The following MKKS variants were observed in gnomAD, a reference collection of about 807,000 sequenced individuals.
MKKS encodes the protein molecular chaperone MKKS.
Under a neutral mutation model 33.2 loss-of-function variants are expected in MKKS, and 29 were observed. That is an observed-to-expected ratio of 0.87 (90% CI 0.65 to 1.19). The LOEUF is 1.19. Among genes scored for constraint, MKKS ranks in the 50% most tolerant of loss-of-function variants. The pLI is 0.00. For synonymous variants in MKKS, 260 were observed against 244.0 expected, an observed-to-expected ratio of 1.07 and a Z score of -0.61; for missense variants, 661 against 662.3, an observed-to-expected ratio of 1.00 and a Z score of 0.02.
chr20:10,420,200 A>C (rs955718712), intron 2 of MKKS, among the ~76,000 whole-genome samples: 1 of 152,186 alleles, frequency 6.6e-6, no homozygotes, highest in Non-Finnish European at 1.5e-5. Context: ...CTAATAGAAG[A>C]AAATAATCTT....
intron 5 of MKKS, among the ~76,000 whole-genome samples, chr20:10,406,253 TA>T (rs953124690): frequency 2.8e-4 from 43 of 152,302 alleles, no homozygotes; most frequent in African/African-American, 9.9e-4. Flanking sequence ...TTCCACTATT[TA>T]AAAATGTTTA....
At chr20:10,424,264 GA>G (rs903650469) in intron 1 of MKKS, among the ~76,000 whole-genome samples, 6 of 149,244 alleles carry the variant, frequency 4.0e-5, no homozygotes, top group South Asian at 4.2e-4. Context: ...AAATAAAAAG[GA>G]AAAAAAAAGG....
At chr20:10,417,892 C>T (rs1283095371) in intron 2 of MKKS, among the ~76,000 whole-genome samples, 3 of 152,060 alleles carry the variant, frequency 2.0e-5, no homozygotes, top group African/African-American at 7.2e-5. Context: ...AGGAAGCAAT[C>T]AGCCAAACTG....
intron 1 of MKKS, among the ~76,000 whole-genome samples, chr20:10,422,314 A>G (rs1304148598): frequency 2.6e-5 from 4 of 152,122 alleles, no homozygotes; most frequent in African/African-American, 9.7e-5. Flanking sequence ...GTACTGTGGT[A>G]TACTATATAC....
At chr20:10,430,865 T>C (rs2065049595) in intron 1 of MKKS, among the ~76,000 whole-genome samples, 2 of 152,358 alleles carry the variant, frequency 1.3e-5, no homozygotes, top group South Asian at 4.1e-4. Flanking sequence ...AATCCTACAA[T>C]GACTGAAACT....
At chr20:10,408,467 C>T (rs1323626297) in intron 4 of MKKS, among the ~76,000 whole-genome samples, 161 bp downstream of exon 4, 1 of 152,076 alleles carries the variant, frequency 6.6e-6, no homozygotes, top group Non-Finnish European at 1.5e-5. Flanking sequence ...ATTATAATGC[C>T]ACAGGCATTT....
intron 1 of MKKS, among the ~76,000 whole-genome samples, chr20:10,424,970 T>C (rs1320024829): frequency 2.6e-5 from 4 of 151,784 alleles, no homozygotes; most frequent in Non-Finnish European, 4.4e-5. Context: ...GAAGAATCAC[T>C]TGAACCTGGG....
chr20:10,408,855 A>C (rs2064861319), intron 3 of MKKS, 52 bp from the exon 4 acceptor site: 4 of 1,401,534 alleles, frequency 2.9e-6, no homozygotes, highest in African/African-American at 1.4e-5. Context: ...AGTGGAGCAA[A>C]CAACCATTTA....
rs746635539 is a variant in MKKS at position 10,405,434 on chromosome 20, T to C, written c.1526A>G (p.Asn509Ser). The C allele has an allele frequency of 6.2e-6, 10 of 1,614,104 alleles. No homozygotes were observed. The highest frequency in any genetic ancestry group is 2.2e-5 in the East Asian group (1 of 44,904). ...ACGTGTGCTTCTTAAGAAAGACCAG[T>C]TGAGTTCTTCCTGGCTATTGTATAA... is the stretch of plus-strand genomic sequence containing the variant. The part of the protein sequence containing the change: ...CGLYNSQEEL[N>S]WSFLRSTRRP... Residue 509 changes from asparagine to serine, a missense_variant, in exon 6 of 6, where the codon AAC becomes AGC. Coordinates refer to ENST00000347364, the MANE Select transcript of MKKS (RefSeq NM_170784.3).
chr20:10,421,347 T>G (rs1171154489), intron 1 of MKKS, among the ~76,000 whole-genome samples: 1 of 151,116 alleles, frequency 6.6e-6, no homozygotes, highest in East Asian at 1.9e-4. Flanking sequence ...TTGCTTGAAC[T>G]TGGGAGGTGG....
At chr20:10,424,945 C>T (rs1410959362) in intron 1 of MKKS, among the ~76,000 whole-genome samples, 2 of 151,430 alleles carry the variant, frequency 1.3e-5, no homozygotes, top group African/African-American at 4.9e-5. Context: ...CCCAGCTACT[C>T]GGGAGGCTGA....
chr20:10,417,809 G>C (rs888080053), intron 2 of MKKS, among the ~76,000 whole-genome samples: 5 of 151,990 alleles, frequency 3.3e-5, no homozygotes, highest in Non-Finnish European at 7.4e-5. Flanking sequence ...ACAAATGAAA[G>C]TAGCCTCTTG....
chr20:10,426,851 C>A (rs903521411), intron 1 of MKKS, among the ~76,000 whole-genome samples: 1 of 152,086 alleles, frequency 6.6e-6, no homozygotes, highest in Non-Finnish European at 1.5e-5. Context: ...AAAACACATC[C>A]GTGACCTACT....
At chr20:10,428,572 C>G (rs1302294381) in intron 1 of MKKS, among the ~76,000 whole-genome samples, 2 of 152,210 alleles carry the variant, frequency 1.3e-5, no homozygotes, top group East Asian at 3.8e-4. Context: ...GGCGCGGTGG[C>G]TCACGCCTCT....
chr20:10,407,661 TCC>T lies in MKKS; in HGVS notation c.1225_1226del (p.Gly409ArgfsTer5), dbSNP rs1421664374. ...LTLKEPWALLGGGCTETHLAA... is the reference protein window; with the variant it reads ...LTLKEPWALLXGGCTETHLAA... ...CCAAATGAGTTTCAGTACAGCCACC[TCC>T]CAACAAAGCCCATGGTTCCTTGAGT... On this transcript the variant is annotated frameshift_variant, in exon 5 of 6. Transcript: ENST00000347364. LOFTEE classifies it high-confidence loss of function. The T allele has an allele frequency of 9.3e-6, 15 of 1,613,924 alleles. No homozygotes were observed. The highest frequency in any genetic ancestry group is 1.3e-5 in the African/African-American group (1 of 74,916).
intron 1 of MKKS, among the ~76,000 whole-genome samples, chr20:10,428,537 T>G (rs1955218471): frequency 6.6e-6 from 1 of 152,172 alleles, no homozygotes. Flanking sequence ...GCACCTTAGC[T>G]CTCAACTAAA....
chr20:10,411,338 C>T (rs1328392823), intron 3 of MKKS, among the ~76,000 whole-genome samples: 1 of 152,008 alleles, frequency 6.6e-6, no homozygotes, highest in Non-Finnish European at 1.5e-5. Context: ...GACTTGAACT[C>T]CTTGGCTCAA....
chr20:10,404,500 GC>G lies in MKKS; in HGVS notation c.*746del, dbSNP rs2064827775. 1 of 151,674 alleles carries G rather than the reference GC, an allele frequency of 6.6e-6. No homozygotes were observed. The highest frequency in any genetic ancestry group is 2.4e-5 in the African/African-American group (1 of 41,208). The allele number at this position is 151,674 out of a possible 1,614,324, so 9.4% of individuals were successfully genotyped here. A position where few individuals can be genotyped will look rare whatever the true frequency, so the allele number is the denominator to read the frequency against. Reference sequence around the variant, plus strand: ...CCTCCGTACAACAAAGAATTATGGGGCTCAGAATGTCAATAATGCCAAAGTT... The same window carrying G: ...CCTCCGTACAACAAAGAATTATGGGGTCAGAATGTCAATAATGCCAAAGTT... On this transcript the variant is annotated 3_prime_UTR_variant, in exon 6 of 6. Coordinates refer to ENST00000347364, the MANE Select transcript of MKKS (RefSeq NM_170784.3).
At chr20:10,431,062 A>C (rs1035817560) in intron 1 of MKKS, among the ~76,000 whole-genome samples, 3 of 152,174 alleles carry the variant, frequency 2.0e-5, no homozygotes, top group African/African-American at 4.8e-5. Context: ...AGAGAACTAT[A>C]TACATTCATA....
Sources: gnomAD v4.1 joint callset for allele counts (sites outside exome capture counted in the v4.1 genomes callset) on GRCh38, gnomAD v4.1.1 for gene constraint, MANE v1.5 for transcripts, NCBI Gene and HGNC (gene_info 2026-07-23, HGNC 2026-07-21) for gene names.